SMYD3: variants seen among roughly 807,000 people sequenced by gnomAD.
SMYD3 encodes the protein SET and MYND domain containing 3.
In SMYD3, 36 loss-of-function variants were observed where a neutral mutation model predicts 57.7. That is an observed-to-expected ratio of 0.62 (90% confidence interval 0.48 to 0.82). The LOEUF (loss-of-function observed/expected upper bound fraction) is 0.82. SMYD3 is among the 40% of genes least tolerant of loss of function. SMYD3 has a pLI of 0.00. For missense variants in SMYD3, 515 were observed against 538.8 expected, an observed-to-expected ratio of 0.96 and a Z score of 0.44; for synonymous variants, 211 against 195.0, an observed-to-expected ratio of 1.08 and a Z score of -0.68.
At chr1:246,131,367 T>C (rs142177020) in intron 5 of SMYD3, among the ~76,000 whole-genome samples, 1 of 152,258 alleles carries the variant, frequency 6.6e-6, no homozygotes, top group Non-Finnish European at 1.5e-5. Flanking sequence ...CATGTAAACA[T>C]CCAATCAGTC....
At chr1:246,386,700 G>C (rs2066487280) in intron 1 of SMYD3, among the ~76,000 whole-genome samples, 1 of 151,636 alleles carries the variant, frequency 6.6e-6, no homozygotes, top group Non-Finnish European at 1.5e-5. Flanking sequence ...TAAGAACTGA[G>C]ACTGACCCAA....
intron 5 of SMYD3, among the ~76,000 whole-genome samples, chr1:246,241,825 G>A (rs565589594): frequency 1.3e-5 from 2 of 152,298 alleles, no homozygotes; most frequent in South Asian, 4.1e-4. Context: ...TCTTGGGAGA[G>A]TGTATCTGTC....
intron 5 of SMYD3, among the ~76,000 whole-genome samples, chr1:246,260,799 C>CT (rs77554488): frequency 0.21 from 31,528 of 152,026 alleles, 3,978 homozygotes; most frequent in East Asian, 0.58. Context: ...TTCCAAGTGG[C>CT]TGAGGCATGC....
chr1:246,068,788 C>A (rs1184216340), intron 5 of SMYD3, among the ~76,000 whole-genome samples: 1 of 152,134 alleles, frequency 6.6e-6, no homozygotes, highest in Non-Finnish European at 1.5e-5. Flanking sequence ...GTGAATGGTT[C>A]TTGGAGGGGA....
At chr1:246,255,395 G>A (rs1007629074) in intron 5 of SMYD3, among the ~76,000 whole-genome samples, 2 of 151,340 alleles carry the variant, frequency 1.3e-5, no homozygotes, top group African/African-American at 2.4e-5. Context: ...AGGGGATTTG[G>A]GGTTTTGTGA....
At chr1:246,229,789 T>C (rs777862278) in intron 5 of SMYD3, among the ~76,000 whole-genome samples, 1 of 152,354 alleles carries the variant, frequency 6.6e-6, no homozygotes, top group Middle Eastern at 3.4e-3. Context: ...CACCTGTTAA[T>C]ACTGATATAG....
chr1:246,409,409 C>G (rs535337518), intron 1 of SMYD3, among the ~76,000 whole-genome samples: 6 of 152,270 alleles, frequency 3.9e-5, no homozygotes, highest in African/African-American at 1.4e-4. Flanking sequence ...GCCAGTTTTC[C>G]CAGCACCATT....
intron 1 of SMYD3, among the ~76,000 whole-genome samples, chr1:246,472,966 T>C (rs1192768313): frequency 6.7e-6 from 1 of 149,968 alleles, no homozygotes; most frequent in Non-Finnish European, 1.5e-5. Context: ...CAAGTGATTC[T>C]CCTGCTCAGC....
intron 1 of SMYD3, among the ~76,000 whole-genome samples, chr1:246,366,348 C>CA (rs1006331339): frequency 2.6e-5 from 4 of 151,538 alleles, no homozygotes; most frequent in African/African-American, 9.7e-5. Context: ...TTCTTACTTT[C>CA]AAAAAAAAGG....
chr1:246,117,318 C>T (rs188908584), intron 5 of SMYD3, among the ~76,000 whole-genome samples: 184 of 152,274 alleles, frequency 1.2e-3, no homozygotes, highest in African/African-American at 3.9e-3. Flanking sequence ...CAGCACCTTC[C>T]GTTAGAAGGA....
At chr1:245,929,137 C>G (rs969384461) in intron 6 of SMYD3, among the ~76,000 whole-genome samples, 7 of 152,156 alleles carry the variant, frequency 4.6e-5, no homozygotes, top group Non-Finnish European at 7.3e-5. Flanking sequence ...GGAATTTGGA[C>G]CAGGTGGCCT....
chr1:246,302,571 T>C (rs911892355), intron 5 of SMYD3, among the ~76,000 whole-genome samples: 6 of 152,164 alleles, frequency 3.9e-5, no homozygotes, highest in Non-Finnish European at 2.9e-5. Flanking sequence ...TTTATATATA[T>C]ATATTTCAAG....
At chr1:245,777,871 CT>C (rs2046669291) in intron 10 of SMYD3, among the ~76,000 whole-genome samples, 1 of 152,172 alleles carries the variant, frequency 6.6e-6, no homozygotes, top group Admixed American at 6.5e-5. Flanking sequence ...ACCAACTACT[CT>C]CAGAACAAAA....
Position 246,335,418 on chromosome 1 carries a change from G to A in SMYD3, c.285C>T (p.Pro95=), listed in dbSNP as rs1358660559. The A allele has an allele frequency of 1.2e-6, 2 of 1,614,064 alleles. No individual in the cohort carries two copies. The highest frequency in any genetic ancestry group is 2.2e-5 in the East Asian group (1 of 44,874). Reference sequence around the variant, plus strand: ...GTCGAACGGAGTCTGGAGGATATCTGGGTTTGCAGCTTTTAAGGCATTTGC... The same window carrying A: ...GTCGAACGGAGTCTGGAGGATATCTAGGTTTGCAGCTTTTAAGGCATTTGC... The part of the protein sequence containing the change: ...RECKCLKSCK[P]RYPPDSVRLL... Residue 95 remains proline (P), a synonymous_variant, in exon 3 of 12, where the codon CCC becomes CCT. Coordinates refer to ENST00000490107, the MANE Select transcript of SMYD3 (RefSeq NM_001167740.2).
intron 5 of SMYD3, among the ~76,000 whole-genome samples, chr1:246,083,812 C>G (rs995104828): frequency 6.6e-6 from 1 of 152,080 alleles, no homozygotes; most frequent in Non-Finnish European, 1.5e-5. Flanking sequence ...TCCAAACAAA[C>G]AAAAAACCCA....
At position 246,380,016 on chromosome 1, in the gene SMYD3, AAAG is replaced by A. The variant is rs1250367209; in HGVS notation, c.165-24925_165-24923del. Among the ~76,000 whole-genome samples, 29 of 140,312 alleles carry A rather than the reference AAAG, an allele frequency of 2.1e-4. No homozygotes were observed. The East Asian group carries it at 4.3e-3, about 21-fold the overall frequency. 92.1% of individuals were successfully genotyped at this position (140,312 alleles called of 152,430 possible). A position where few individuals can be genotyped will look rare whatever the true frequency, so the allele number is the denominator to read the frequency against. ...GAGCAACACTCTGTCTCAAAAAAAA[AAAG>A]AAAGAAAGAAAGAAAAAAAAAAGTT... is the stretch of plus-strand genomic sequence containing the variant. On this transcript the variant is annotated intron_variant, in intron 1 of 11. Transcript: ENST00000490107.
At chr1:246,289,538 G>T (rs2064643644) in intron 5 of SMYD3, among the ~76,000 whole-genome samples, 1 of 152,072 alleles carries the variant, frequency 6.6e-6, no homozygotes, top group Admixed American at 6.6e-5. Context: ...TTGTATTTCT[G>T]TGAGAGTCAG....
rs937613672 is a variant in SMYD3, at chr1:245,971,062, G to A, written c.532-41125C>T. 2.6e-5 allele frequency among the ~76,000 whole-genome samples: 4 copies of A among 152,322 alleles called. No individual in the cohort carries two copies. In the South Asian group the frequency reaches 8.3e-4, roughly 32 times the overall value. On this transcript the variant is annotated intron_variant, in intron 5 of 11. Transcript: ENST00000490107. Reference sequence around the variant, plus strand: ...GCAACCAATCTAAATGTCCATTAGTGATAGACTAGATACAGAAAATGTGGC... The same window carrying A: ...GCAACCAATCTAAATGTCCATTAGTAATAGACTAGATACAGAAAATGTGGC...
intron 1 of SMYD3, among the ~76,000 whole-genome samples, chr1:246,376,197 T>TAC (rs2066273798): frequency 6.6e-6 from 1 of 152,172 alleles, no homozygotes; most frequent in African/African-American, 2.4e-5. Context: ...TACATATATA[T>TAC]ACACACACAG....
Sources: gnomAD v4.1 joint callset for allele counts (sites outside exome capture counted in the v4.1 genomes callset) on GRCh38, gnomAD v4.1.1 for gene constraint, MANE v1.5 for transcripts, NCBI Gene and HGNC (gene_info 2026-07-23, HGNC 2026-07-21) for gene names.